USH2A: variants seen among roughly 807,000 people sequenced by gnomAD.
The protein encoded by USH2A is Usher syndrome 2A (autosomal recessive, mild).
In USH2A, 443 loss-of-function variants were observed where a neutral mutation model predicts 538.9. The observed-to-expected ratio is 0.82, with a 90% confidence interval of 0.76 to 0.89. The LOEUF is 0.89. Among genes scored for constraint, USH2A ranks in the 40% least tolerant of loss-of-function variants. The pLI is 0.00. For missense variants in USH2A, 6,633 were observed against 6,324.8 expected (o/e 1.05, Z -1.65); for synonymous variants, 2,413 against 2,273.5 (o/e 1.06, Z -1.75).
At chr1:216,098,091 A>G (rs2032488477) in intron 21 of USH2A, among the ~76,000 whole-genome samples, 1 of 151,778 alleles carries the variant, frequency 6.6e-6, no homozygotes, top group African/African-American at 2.4e-5. Context: ...CTCCAGTCCT[A>G]TGAATGATGC....
chr1:215,743,303 T>C lies in USH2A; in HGVS notation c.11422A>G (p.Asn3808Asp), dbSNP rs1660358527. The C allele has an allele frequency of 6.2e-7, 1 of 1,607,158 alleles. No homozygotes were observed. The highest frequency in any genetic ancestry group is 8.5e-7 in the Non-Finnish European group (1 of 1,177,364). Residue 3808 changes from asparagine to aspartate, a missense_variant, in exon 59 of 72, where the codon AAT (asparagine) becomes GAT (aspartate). Transcript: ENST00000307340. ...ACACTTCCATCATTGAGTAAGACATTGTACTCCACAGGAATTTCGGGGATG... is the reference window on the plus strand; with the variant it reads ...ACACTTCCATCATTGAGTAAGACATCGTACTCCACAGGAATTTCGGGGATG... ...ILIPEIPVEY[N>D]VLLNDGSVTP...
At chr1:215,727,129 G>C (rs1168107952) in intron 61 of USH2A, among the ~76,000 whole-genome samples, 2 of 152,000 alleles carry the variant, frequency 1.3e-5, no homozygotes, top group East Asian at 3.9e-4. Context: ...AAAATCACCA[G>C]TAAGCCATAG....
intron 21 of USH2A, among the ~76,000 whole-genome samples, chr1:216,130,624 A>C (rs1017775720): frequency 3.4e-5 from 5 of 146,524 alleles, no homozygotes; most frequent in African/African-American, 1.2e-4. Context: ...ATATATATAC[A>C]TATATCTATA....
At chr1:215,961,482 C>G (rs1667199143) in intron 37 of USH2A, among the ~76,000 whole-genome samples, 1 of 151,040 alleles carries the variant, frequency 6.6e-6, no homozygotes, top group Non-Finnish European at 1.5e-5. Flanking sequence ...AAATTCTGTT[C>G]CATCCTTATA....
intron 40 of USH2A, among the ~76,000 whole-genome samples, chr1:215,897,248 T>C (rs1038721000): frequency 3.9e-5 from 6 of 152,136 alleles, no homozygotes; most frequent in African/African-American, 1.4e-4. Flanking sequence ...AATATTGCCA[T>C]TGGTGACCCA....
At chr1:215,843,193 G>A (rs114388944) in intron 46 of USH2A, among the ~76,000 whole-genome samples, 3,489 of 152,226 alleles carry the variant, frequency 0.023, 61 homozygotes, top group Non-Finnish European at 0.037. Flanking sequence ...GATAGAACCA[G>A]TAAAAAGTTT....
chr1:216,152,948 C>T (rs1484950144), intron 21 of USH2A, among the ~76,000 whole-genome samples: 1 of 152,166 alleles, frequency 6.6e-6, no homozygotes, highest in African/African-American at 2.4e-5. Context: ...AATAGCAGAG[C>T]AGTGCCACAT....
chr1:215,923,335 C>A (rs1258541290), intron 38 of USH2A, among the ~76,000 whole-genome samples: 1 of 151,908 alleles, frequency 6.6e-6, no homozygotes, highest in Non-Finnish European at 1.5e-5. Flanking sequence ...AATGACGTCA[C>A]CAGAATCTAG....
intron 21 of USH2A, among the ~76,000 whole-genome samples, chr1:216,101,006 GTGTA>G (rs1359469288): frequency 1.3e-5 from 2 of 152,186 alleles, no homozygotes; most frequent in African/African-American, 4.8e-5. Flanking sequence ...GGAATTGATG[GTGTA>G]TGTGAGACTT....
intron 3 of USH2A, among the ~76,000 whole-genome samples, chr1:216,387,516 A>T (rs2039027675): frequency 6.6e-6 from 1 of 152,208 alleles, no homozygotes; most frequent in African/African-American, 2.4e-5. Context: ...TTTTCTTCAG[A>T]TGCTGAACGT....
At chr1:215,662,550 G>C (rs1446638420) in intron 64 of USH2A, among the ~76,000 whole-genome samples, 1 of 152,182 alleles carries the variant, frequency 6.6e-6, no homozygotes, top group Non-Finnish European at 1.5e-5. Flanking sequence ...ACTGACAGGT[G>C]GAAATGATCT....
intron 60 of USH2A, among the ~76,000 whole-genome samples, 168 bp from the exon 61 acceptor site, chr1:215,728,552 CTAACTCCA>C (rs1259266086): frequency 6.8e-6 from 1 of 147,726 alleles, no homozygotes; most frequent in African/African-American, 2.5e-5. Context: ...CTCCAGTGGC[CTAACTCCA>C]TATCATTTTT....
intron 27 of USH2A, among the ~76,000 whole-genome samples, 184 bp downstream of exon 27, chr1:216,077,905 C>G (rs2031806070): frequency 6.6e-6 from 1 of 151,838 alleles, no homozygotes; most frequent in Non-Finnish European, 1.5e-5. Context: ...TTAAGGGTAA[C>G]ACACAAAACT....
intron 11 of USH2A, among the ~76,000 whole-genome samples, chr1:216,270,766 G>A (rs7546141): frequency 0.032 from 4,836 of 150,882 alleles, 264 homozygotes; most frequent in African/African-American, 0.11. Flanking sequence ...CTGGAGTGCA[G>A]TGGCACGAAC....
At chr1:215,975,147 C>A (rs539414852) in intron 35 of USH2A, among the ~76,000 whole-genome samples, 1 of 152,180 alleles carries the variant, frequency 6.6e-6, no homozygotes, top group South Asian at 2.1e-4. Context: ...AGTGTCTGTT[C>A]ATGTCTTTTA....
intron 21 of USH2A, among the ~76,000 whole-genome samples, chr1:216,138,568 C>A (rs944466990): frequency 2.6e-5 from 4 of 152,112 alleles, no homozygotes; most frequent in Admixed American, 2.0e-4. Context: ...TTCCAGTACA[C>A]CAAGTCCTCT....
At chr1:216,216,266 AC>A (rs1227929363) in intron 15 of USH2A, among the ~76,000 whole-genome samples, 6 of 152,114 alleles carry the variant, frequency 3.9e-5, no homozygotes, top group Non-Finnish European at 7.4e-5. Context: ...CTACAGTTTT[AC>A]TTATACTGAA....
In USH2A at chr1:215,921,874, C is replaced by T. The variant is rs549396725; in HGVS notation, c.7300+12742G>A. On this transcript the variant is annotated intron_variant, in intron 38 of 71. Coordinates refer to ENST00000307340, the MANE Select transcript of USH2A (RefSeq NM_206933.4). ...TAATATATGCAAAACCACACCTGCA[C>T]CTAGTATTAATAAATGCTATCTTGG... Among the ~76,000 whole-genome samples the T allele has an allele frequency of 2.0e-4, 30 of 152,122 alleles. No homozygotes were observed. In the Middle Eastern group the frequency reaches 0.01, roughly 52 times the overall value.
At chr1:216,417,629 C>T (rs1463857077) in intron 3 of USH2A, among the ~76,000 whole-genome samples, 1 of 151,984 alleles carries the variant, frequency 6.6e-6, no homozygotes, top group Non-Finnish European at 1.5e-5. Flanking sequence ...CTTTCTTTTC[C>T]TCCCTATTCT....
Sources: gnomAD v4.1 joint callset for allele counts (sites outside exome capture counted in the v4.1 genomes callset) on GRCh38, gnomAD v4.1.1 for gene constraint, MANE v1.5 for transcripts, NCBI Gene and HGNC (gene_info 2026-07-23, HGNC 2026-07-21) for gene names.